Variants in CCDC33 observed in about 807,000 individuals in gnomAD.
CCDC33 encodes coiled-coil domain containing 33, also known as coiled-coil domain-containing protein 33.
A neutral mutation model predicts 91.9 loss-of-function variants in CCDC33; 94 were observed. The ratio of observed to expected loss-of-function variants is 1.02; its 90% CI spans 0.87 to 1.21. The LOEUF (loss-of-function observed/expected upper bound fraction) is 1.21. Among genes scored for constraint, CCDC33 ranks in the 50% most tolerant of loss-of-function variants. The probability of loss-of-function intolerance (pLI) is 0.00; values close to 1 mark genes in which losing one functional copy is unlikely to be tolerated. For missense variants in CCDC33, 940 were observed against 935.5 expected (o/e 1.00, Z -0.06); for synonymous variants, 396 against 374.5 (o/e 1.06, Z -0.66).
chr15:74,318,444 C>T (rs2060136810), intron 11 of CCDC33: 4 of 535,658 alleles, frequency 7.5e-6, no homozygotes, highest in East Asian at 3.6e-5. Flanking sequence ...CCCACCCAGA[C>T]ACCCCCCACC....
At chr15:74,333,433 T>C in intron 16 of CCDC33, 1 of 836,194 alleles carries the variant, frequency 1.2e-6, no homozygotes, top group Admixed American at 2.1e-5. Flanking sequence ...AATCACAGAA[T>C]ATTGGGCAGG....
intron 11 of CCDC33, among the ~76,000 whole-genome samples, chr15:74,306,737 T>TG (rs2059900500): frequency 1.3e-5 from 2 of 152,178 alleles, no homozygotes; most frequent in South Asian, 4.1e-4. Context: ...ACTAGAGGAC[T>TG]GGTCAAGTCA....
intron 10 of CCDC33, among the ~76,000 whole-genome samples, chr15:74,286,707 C>T (rs2059481708): frequency 6.6e-6 from 1 of 152,170 alleles, no homozygotes; most frequent in Non-Finnish European, 1.5e-5. Context: ...AGATAGGGCA[C>T]CAGGCAGAAG....
chr15:74,330,012 T>A (rs773290058), intron 11 of CCDC33, among the ~76,000 whole-genome samples, 177 bp from the exon 12 acceptor site: 1 of 151,754 alleles, frequency 6.6e-6, no homozygotes. Flanking sequence ...CCAGGATGGG[T>A]GAGGATCAAG....
At chr15:74,329,201 T>C (rs1347898335) in intron 11 of CCDC33, among the ~76,000 whole-genome samples, 1 of 152,144 alleles carries the variant, frequency 6.6e-6, no homozygotes, top group Non-Finnish European at 1.5e-5. Flanking sequence ...CAGGCATGAT[T>C]TTTTCTCTCG....
chr15:74,208,076 T>C lies in CCDC33; in HGVS notation n.90-1312T>C, dbSNP rs1280266712. 3 of 1,236,354 alleles carry C rather than the reference T, an allele frequency of 2.4e-6. No individual in the cohort carries two copies. In the African/African-American group the frequency reaches 4.6e-5, roughly 19 times the overall value. The allele number at this position is 1,236,354 out of a possible 1,614,324, so 76.6% of individuals were successfully genotyped here. ...ACATAAAGGATTTAGACCAGGCTGT[T>C]CTGGTATGAGGGTGGACACTGGTGA... On this transcript the variant is annotated intron_variant and non_coding_transcript_variant, in intron 1 of 3. Transcript: ENST00000558645.
At chr15:74,217,712 C>A in intron 1 of CCDC33, 2 of 720,654 alleles carry the variant, frequency 2.8e-6, no homozygotes, top group Non-Finnish European at 3.8e-6. Flanking sequence ...CATCCCAAAG[C>A]TCTGCCGGTG....
chr15:74,336,101 G>GC lies in CCDC33; in HGVS notation c.*53dup. On this transcript the variant is annotated 3_prime_UTR_variant, in exon 19 of 19. Coordinates refer to ENST00000398814, the MANE Select transcript of CCDC33 (RefSeq NM_025055.5). ...CTGTGTGCTGGGGAGTCTCATCACC[G>GC]CCCCCTAAAAATGACGTTATTAAAT... 6.3e-7 allele frequency: 1 copy of GC among 1,596,150 alleles called. No homozygotes were observed. Among genetic ancestry groups the GC allele is most frequent in the Non-Finnish European group, 8.5e-7 (1 of 1,171,440 alleles).
At chr15:74,207,738 C>A (rs1190831249) in intron 1 of CCDC33, 2 of 1,535,734 alleles carry the variant, frequency 1.3e-6, no homozygotes, top group Admixed American at 2.0e-5. Flanking sequence ...AATAAGCAGC[C>A]GAGAGAGTCA....
Position 74,218,950 on chromosome 15 carries a change from G to A in CCDC33, c.675+89G>A, listed in dbSNP as rs895284925. Reference sequence around the variant, plus strand: ...GATAAGCCAGGCTACCCCCTGTCCTGAGCTGAGCTGAGCAGAGCAGCAGAG... The same window carrying A: ...GATAAGCCAGGCTACCCCCTGTCCTAAGCTGAGCTGAGCAGAGCAGCAGAG... On this transcript the variant is annotated intron_variant, in intron 2 of 2. Transcript: ENST00000635913. The surrounding 1 kb of genome is among the most constrained non-coding windows in gnomAD (Gnocchi z 4.8). 4 of 1,161,322 alleles carry A rather than the reference G, an allele frequency of 3.4e-6. No homozygotes were observed. Among genetic ancestry groups the A allele is most frequent in the African/African-American group, 1.6e-5 (1 of 61,812 alleles). 71.9% of individuals were successfully genotyped at this position (1,161,322 alleles called of 1,614,324 possible).
chr15:74,215,873 C>A (rs4887116), upstream of CCDC33, among the ~76,000 whole-genome samples: 113,936 of 134,580 alleles, frequency 0.85, 46,723 homozygotes, highest in African/African-American at 0.94. Context: ...CTCGATCTCA[C>A]CAAAAAAAAA....
At chr15:74,256,155 T>C (rs1045622898) in intron 2 of CCDC33, among the ~76,000 whole-genome samples, 5 of 152,110 alleles carry the variant, frequency 3.3e-5, no homozygotes, top group Admixed American at 2.6e-4. Context: ...CACTCATCCT[T>C]TGCCCACAGT....
At chr15:74,329,656 G>A (rs1365764456) in intron 11 of CCDC33, among the ~76,000 whole-genome samples, 1 of 148,618 alleles carries the variant, frequency 6.7e-6, no homozygotes, top group East Asian at 1.9e-4. Flanking sequence ...CTCTAACCTG[G>A]GTCTCCCAGG....
chr15:74,260,917 C>T (rs1440972093), intron 2 of CCDC33, among the ~76,000 whole-genome samples: 3 of 152,224 alleles, frequency 2.0e-5, no homozygotes, highest in Non-Finnish European at 4.4e-5. Context: ...TGGTACTTAG[C>T]AATGTGCCAG....
intron 7 of CCDC33, among the ~76,000 whole-genome samples, chr15:74,276,978 C>T (rs2076467194): frequency 6.6e-6 from 1 of 152,104 alleles, no homozygotes; most frequent in Non-Finnish European, 1.5e-5. Flanking sequence ...GTCTGTCTGT[C>T]CCCTATCCTC....
intron 3 of CCDC33, among the ~76,000 whole-genome samples, chr15:74,263,243 G>A (rs558723316): frequency 2.2e-4 from 33 of 152,332 alleles, no homozygotes; most frequent in African/African-American, 7.9e-4. Flanking sequence ...AGCTCAGGCT[G>A]GACACAAGGG....
chr15:74,333,096 C>T (rs2060475244), intron 16 of CCDC33: 5 of 849,536 alleles, frequency 5.9e-6, no homozygotes, highest in South Asian at 1.6e-5. Context: ...ACCCTTGGTC[C>T]CTGAACCCTG....
intron 1 of CCDC33, among the ~76,000 whole-genome samples, chr15:74,242,052 G>A (rs151077723): frequency 2.9e-4 from 44 of 152,328 alleles, no homozygotes; most frequent in African/African-American, 9.6e-4. Context: ...CCACGCTACC[G>A]TGAGAAATGG....
chr15:74,239,464 C>A (rs2075279650), intron 1 of CCDC33, among the ~76,000 whole-genome samples: 1 of 152,188 alleles, frequency 6.6e-6, no homozygotes, highest in Middle Eastern at 3.2e-3. Flanking sequence ...CTAATCCTGG[C>A]CTATTGAGGG....
Sources: allele counts gnomAD v4.1 joint callset (sites outside exome capture counted in the v4.1 genomes callset), GRCh38; gene constraint gnomAD v4.1.1; non-coding constraint Gnocchi (gnomAD v3.1); transcripts MANE v1.5; gene names NCBI Gene and HGNC (gene_info 2026-07-23, HGNC 2026-07-21).